PTPRT: variants seen among roughly 807,000 people sequenced by gnomAD.
The protein encoded by PTPRT is protein tyrosine phosphatase receptor type T.
Under a neutral mutation model 176.8 loss-of-function variants are expected in PTPRT, and 56 were observed. The ratio of observed to expected loss-of-function variants is 0.32; its 90% CI spans 0.26 to 0.40. PTPRT has a LOEUF of 0.40. Ranked by LOEUF, PTPRT falls within the 10% of genes least tolerant of loss-of-function variation. The pLI is 1.00. For missense variants in PTPRT, 1,540 were observed against 1,908.2 expected, an observed-to-expected ratio of 0.81 and a Z score of 3.60; for synonymous variants, 783 against 739.0, an observed-to-expected ratio of 1.06 and a Z score of -0.96.
chr20:43,107,008 T>C (rs2012644377), intron 1 of PTPRT, among the ~76,000 whole-genome samples: 1 of 152,080 alleles, frequency 6.6e-6, no homozygotes, highest in South Asian at 2.1e-4. Flanking sequence ...CAGGCTGGTA[T>C]AGAACTCCCA....
intron 1 of PTPRT, among the ~76,000 whole-genome samples, chr20:43,085,798 G>C (rs2011588061): frequency 6.6e-6 from 1 of 152,090 alleles, no homozygotes; most frequent in Admixed American, 6.5e-5. Context: ...GATGAGATTT[G>C]GGTGGGAATA....
chr20:42,573,749 CTTT>C (rs150938657), intron 7 of PTPRT, among the ~76,000 whole-genome samples: 3 of 112,562 alleles, frequency 2.7e-5, no homozygotes, highest in African/African-American at 3.5e-5. Context: ...TTCTTTCTTT[CTTT>C]TTTTTTTTTT....
At chr20:42,434,301 TA>T (rs1047429546) in intron 9 of PTPRT, among the ~76,000 whole-genome samples, 35 of 151,204 alleles carry the variant, frequency 2.3e-4, no homozygotes, top group African/African-American at 8.0e-4. Context: ...CCTGTTGCCT[TA>T]ACCTTGACTC....
intron 9 of PTPRT, among the ~76,000 whole-genome samples, chr20:42,387,556 G>A (rs16986827): frequency 0.035 from 5,259 of 152,130 alleles, 106 homozygotes; most frequent in Middle Eastern, 0.058. Flanking sequence ...TTGAAAATCC[G>A]TATCCACAAA....
rs966662637 is a variant in PTPRT at position 42,957,289 on chromosome 20, G to A, written c.89-71357C>T. ...CAAGCCAATCTAATTAGGGGCCCTCGTAAACGTCACCTGCTCATAAACATT... is the reference window on the plus strand; with the variant it reads ...CAAGCCAATCTAATTAGGGGCCCTCATAAACGTCACCTGCTCATAAACATT... On this transcript the variant is annotated intron_variant, in intron 1 of 30. Transcript: ENST00000373187. Among the ~76,000 whole-genome samples the A allele has an allele frequency of 2.6e-5, 4 of 152,258 alleles. 1 individual carries two copies. The highest frequency in any genetic ancestry group is 1.5e-5 in the Non-Finnish European group (1 of 68,016).
chr20:42,901,614 C>T (rs1198160204), intron 1 of PTPRT, among the ~76,000 whole-genome samples: 3 of 152,106 alleles, frequency 2.0e-5, no homozygotes, highest in Non-Finnish European at 4.4e-5. Context: ...TTCTGGCTTG[C>T]CACGATTGCT....
At chr20:43,077,487 C>A (rs566939527) in intron 1 of PTPRT, among the ~76,000 whole-genome samples, 12 of 152,052 alleles carry the variant, frequency 7.9e-5, no homozygotes, top group African/African-American at 2.7e-4. Context: ...AAATACCCAC[C>A]AGGTACTGAT....
At chr20:42,447,149 C>T (rs1194262990) in intron 9 of PTPRT, among the ~76,000 whole-genome samples, 2 of 152,112 alleles carry the variant, frequency 1.3e-5, no homozygotes, top group African/African-American at 4.8e-5. Context: ...TATTCTTCCC[C>T]CAAGCCCACT....
intron 7 of PTPRT, among the ~76,000 whole-genome samples, chr20:42,482,380 G>A (rs1342139494): frequency 6.6e-6 from 1 of 152,156 alleles, no homozygotes; most frequent in African/African-American, 2.4e-5. Flanking sequence ...CCATCCCTAA[G>A]AAGAAAATGA....
chr20:42,181,708 G>A lies in PTPRT; in HGVS notation c.2491+17532C>T, dbSNP rs759010812. On this transcript the variant is annotated intron_variant, in intron 16 of 30. Coordinates refer to ENST00000373187, the MANE Select transcript of PTPRT (RefSeq NM_007050.6). The stretch of plus-strand genomic sequence containing the variant: ...TTCATTCAACAAATACCACTCAATC[G>A]TATTCATAGGCCAAGCACCATACTA... Among the ~76,000 whole-genome samples the A allele has an allele frequency of 7.2e-5, 11 of 152,224 alleles. No homozygotes were observed. The Middle Eastern group carries it at 0.014, about 188-fold the overall frequency.
chr20:42,978,800 A>G (rs1192742401), intron 1 of PTPRT, among the ~76,000 whole-genome samples: 1 of 152,190 alleles, frequency 6.6e-6, no homozygotes, highest in African/African-American at 2.4e-5. Flanking sequence ...ATGCCATGGC[A>G]ACGTCAGGAA....
chr20:43,018,873 A>T (rs1340999685), intron 1 of PTPRT, among the ~76,000 whole-genome samples: 1 of 152,248 alleles, frequency 6.6e-6, no homozygotes, highest in African/African-American at 2.4e-5. Flanking sequence ...AAACTTTTAC[A>T]GGATTAGGGA....
At chr20:42,068,075 G>C (rs1009933137), downstream of PTPRT, among the ~76,000 whole-genome samples, 5 of 152,194 alleles carry the variant, frequency 3.3e-5, no homozygotes, top group Non-Finnish European at 4.4e-5. Flanking sequence ...AGAGGAAAGA[G>C]AGGAGGAAGC....
chr20:42,093,297 A>C (rs1984829777), intron 27 of PTPRT, among the ~76,000 whole-genome samples: 1 of 152,210 alleles, frequency 6.6e-6, no homozygotes, highest in Non-Finnish European at 1.5e-5. Flanking sequence ...AAGTGACAGC[A>C]TGCTTTGCTG....
At chr20:42,386,255 G>A (rs537404484) in intron 9 of PTPRT, among the ~76,000 whole-genome samples, 9 of 152,258 alleles carry the variant, frequency 5.9e-5, no homozygotes, top group South Asian at 4.1e-4. Flanking sequence ...TTAGAAACCC[G>A]TGGGACTAAT....
rs143696191 is a variant in PTPRT, at chr20:43,166,190, G to A, written c.88+23456C>T. 1.0e-3 allele frequency among the ~76,000 whole-genome samples: 159 copies of A among 152,138 alleles called. No homozygotes were observed. In the Middle Eastern group the frequency reaches 0.014, roughly 13 times the overall value. ...AAATACAAAAATTAGCTGGGTATGGGGTGGTGCACACCTGTAATCCCAGCT... is the reference window on the plus strand; with the variant it reads ...AAATACAAAAATTAGCTGGGTATGGAGTGGTGCACACCTGTAATCCCAGCT... On this transcript the variant is annotated intron_variant, in intron 1 of 30. Coordinates refer to ENST00000373187, the MANE Select transcript of PTPRT (RefSeq NM_007050.6).
intron 1 of PTPRT, among the ~76,000 whole-genome samples, chr20:42,894,826 C>T (rs2079265581): frequency 6.6e-6 from 1 of 152,084 alleles, no homozygotes; most frequent in Admixed American, 6.5e-5. Flanking sequence ...AGGCTCTGCC[C>T]CTTCACCTCA....
At chr20:42,545,689 T>C (rs564381945) in intron 7 of PTPRT, among the ~76,000 whole-genome samples, 6 of 152,272 alleles carry the variant, frequency 3.9e-5, no homozygotes, top group East Asian at 3.9e-4. Flanking sequence ...ACTCTCACAA[T>C]TGGTTGAAGG....
At chr20:42,398,129 ATG>A (rs1156561227) in intron 9 of PTPRT, among the ~76,000 whole-genome samples, 1 of 152,160 alleles carries the variant, frequency 6.6e-6, no homozygotes, top group Non-Finnish European at 1.5e-5. Flanking sequence ...ACCTCAAGGT[ATG>A]TGTGTCTGTT....
Sources: gnomAD v4.1 joint callset for allele counts (sites outside exome capture counted in the v4.1 genomes callset) on GRCh38, gnomAD v4.1.1 for gene constraint, MANE v1.5 for transcripts, NCBI Gene and HGNC (gene_info 2026-07-23, HGNC 2026-07-21) for gene names.